Variants in UBR4 observed in about 807,000 individuals in gnomAD.
The protein encoded by UBR4 is E3 ubiquitin-protein ligase UBR4.
A neutral mutation model predicts 575.6 loss-of-function variants in UBR4; 124 were observed. The ratio of observed to expected loss-of-function variants is 0.22; its 90% CI spans 0.19 to 0.25. UBR4 has a LOEUF of 0.25. UBR4 is among the 10% of genes least tolerant of loss of function. The pLI, the probability that UBR4 is intolerant of heterozygous loss-of-function variation, is 1.00. For missense variants in UBR4, 4,818 were observed against 6,478.8 expected, an observed-to-expected ratio of 0.74 and a Z score of 8.80; for synonymous variants, 2,455 against 2,473.7, an observed-to-expected ratio of 0.99 and a Z score of 0.22.
intron 77 of UBR4, 73 bp downstream of exon 77, chr1:19,113,626 G>GCA: frequency 6.3e-7 from 1 of 1,585,984 alleles, no homozygotes; most frequent in South Asian, 1.2e-5. Flanking sequence ...TGAGAGAGCA[G>GCA]CAGGACTGCT....
chr1:19,147,721 C>A (rs938070654), intron 51 of UBR4, among the ~76,000 whole-genome samples: 2 of 149,736 alleles, frequency 1.3e-5, no homozygotes, highest in Non-Finnish European at 3.0e-5. Flanking sequence ...AGGCTACCCA[C>A]GCTCAATATC....
intron 105 of UBR4, 88 bp downstream of exon 105, chr1:19,076,652 C>A: frequency 1.3e-6 from 2 of 1,570,796 alleles, no homozygotes; most frequent in South Asian, 2.3e-5. Context: ...TTCCTCTGGT[C>A]GTGAAGATAA....
At chr1:19,108,425 C>A (rs180879384) in intron 81 of UBR4, among the ~76,000 whole-genome samples, 54 of 152,092 alleles carry the variant, frequency 3.6e-4, no homozygotes, top group Non-Finnish European at 6.3e-4. Context: ...GGAAAGGCAG[C>A]TGGTTTGGCT....
chr1:19,096,780 G>T, intron 91 of UBR4, 130 bp from the exon 92 acceptor site: 1 of 1,358,638 alleles, frequency 7.4e-7, no homozygotes, highest in Non-Finnish European at 1.0e-6. Context: ...ATAAAGACAC[G>T]GCCAATAAAA....
chr1:19,075,138 G>A lies in UBR4; in HGVS notation c.15488-242C>T, dbSNP rs2148321055. ...TGTTTTTGTTCTCACATTTGAATAGGGTGTGTCTGATGTTCTGAAATTTTC... is the reference window on the plus strand; with the variant it reads ...TGTTTTTGTTCTCACATTTGAATAGAGTGTGTCTGATGTTCTGAAATTTTC... On this transcript the variant is annotated intron_variant, in intron 105 of 105. Transcript: ENST00000375254. 4 of 548,832 alleles carry A rather than the reference G, an allele frequency of 7.3e-6. No homozygotes were observed. In the East Asian group the frequency reaches 1.3e-4, roughly 18 times the overall value. 34.0% of individuals were successfully genotyped at this position (548,832 alleles called of 1,614,324 possible).
chr1:19,202,459 C>T (rs2151731438), intron 1 of UBR4, among the ~76,000 whole-genome samples: 1 of 152,248 alleles, frequency 6.6e-6, no homozygotes, highest in South Asian at 2.1e-4. Context: ...GGAATACAGA[C>T]TAAAGTAACC....
chr1:19,164,814 A>T lies in UBR4; in HGVS notation c.4496T>A (p.Ile1499Asn), dbSNP rs1489072766. ...GTTGTTCTACCTGTTTTCCCGAACAATGTATGTGGTCAGTAACTGCAGCAG... is the reference window on the plus strand; with the variant it reads ...GTTGTTCTACCTGTTTTCCCGAACATTGTATGTGGTCAGTAACTGCAGCAG... ...RQLLQLLTTY[I>N]VRENSQVGEG... Residue 1499 changes from isoleucine (I) to asparagine (N), a missense_variant, in exon 32 of 106, where the codon ATT (isoleucine) becomes AAT (asparagine). Ile to Asn is a moderately radical substitution (Grantham distance 149, BLOSUM62 -3). Transcript: ENST00000375254. 1.2e-6 allele frequency: 2 copies of T among 1,614,174 alleles called. No individual in the cohort carries two copies. Among genetic ancestry groups the T allele is most frequent in the East Asian group, 2.2e-5 (1 of 44,886 alleles).
chr1:19,146,042 T>C, intron 52 of UBR4, 109 bp from the exon 53 acceptor site: 1 of 1,586,024 alleles, frequency 6.3e-7, no homozygotes, highest in South Asian at 1.1e-5. Context: ...GAGTTTCAAG[T>C]GGGGCCCCAA....
chr1:19,166,832 G>A (rs974293047), intron 29 of UBR4, among the ~76,000 whole-genome samples, 190 bp downstream of exon 29: 6 of 150,496 alleles, frequency 4.0e-5, no homozygotes, highest in Non-Finnish European at 2.9e-5. Context: ...CTTGAGCCCC[G>A]GAGGCAGAGG....
In UBR4 at chr1:19,088,929, C is replaced by T; in HGVS notation, c.14260G>A (p.Val4754Met). The T allele has an allele frequency of 6.2e-7, 1 of 1,614,246 alleles. No homozygotes were observed. The highest frequency in any genetic ancestry group is 8.5e-7 in the Non-Finnish European group (1 of 1,180,054). Residue 4754 changes from valine to methionine, a missense_variant, in exon 98 of 106, where the codon GTG (valine) becomes ATG (methionine). Transcript: ENST00000375254. The surrounding 1 kb of genome is among the most constrained non-coding windows in gnomAD (Gnocchi z 4.0). ...GTCCCAATGCCCTCATCACTGGACA[C>T]CTGCTCCAGCTTATGCAGGTTCGGG... is the stretch of plus-strand genomic sequence containing the variant. ...SIPNLHKLEQ[V>M]SSDEGIGTLA...
chr1:19,164,554 G>T, intron 32 of UBR4, 113 bp from the exon 33 acceptor site: 1 of 1,249,024 alleles, frequency 8.0e-7, no homozygotes, highest in Non-Finnish European at 1.1e-6. Flanking sequence ...ACCAATCCCA[G>T]CTTTGGACTT....
intron 8 of UBR4, among the ~76,000 whole-genome samples, chr1:19,196,026 G>A (rs1017340275): frequency 2.2e-4 from 28 of 129,172 alleles, no homozygotes; most frequent in African/African-American, 8.3e-4. Context: ...ACAAACTTAC[G>A]TAGTATGTTC....
chr1:19,116,782 G>A (rs981586470), intron 73 of UBR4, among the ~76,000 whole-genome samples: 5 of 152,212 alleles, frequency 3.3e-5, no homozygotes, highest in African/African-American at 1.2e-4. Flanking sequence ...TGTGGAAATC[G>A]AAGAGTGTGT....
rs893440363 is a variant in UBR4, at chr1:19,174,323, G to A, written c.2978C>T (p.Ala993Val). The A allele has an allele frequency of 6.2e-7, 1 of 1,612,482 alleles. No individual in the cohort carries two copies. Among genetic ancestry groups the A allele is most frequent in the East Asian group, 2.2e-5 (1 of 44,840 alleles). The change falls in exon 22 of 106, where the codon GCC becomes GTC. Residue 993 changes from alanine to valine, a missense_variant. Ala to Val is a moderately conservative substitution (Grantham distance 64, BLOSUM62 0). This residue lies in a region of UBR4 where 1,172 missense variants were observed against 1,259.7 expected (regional missense o/e 0.93). Coordinates refer to ENST00000375254, the MANE Select transcript of UBR4 (RefSeq NM_020765.3). ...VRRKENKNVTALEACALQYYF... is the reference protein window; with the variant it reads ...VRRKENKNVTVLEACALQYYF... ...CTCAGGGTTCCATGGTCTTACCAAG[G>A]CTGTTACATTCTTGTTTTCCTTTCT...
chr1:19,161,108 T>C lies in UBR4; in HGVS notation c.5215A>G (p.Thr1739Ala), dbSNP rs748964453. The C allele has an allele frequency of 9.3e-6, 15 of 1,613,988 alleles. No individual in the cohort carries two copies. The highest frequency in any genetic ancestry group is 1.7e-5 in the Admixed American group (1 of 59,998). ...CTCTGAAATGCCGACTCCTTCATGG[T>C]AGAGCTCATGCCACTGCTAGGAGTT... ...KRTPSSGMSS[T>A]MKESAFQSEP... Residue 1739 changes from threonine (T) to alanine (A), a missense_variant, in exon 38 of 106, where the codon ACC (threonine) becomes GCC (alanine). Transcript: ENST00000375254.
At chr1:19,101,686 T>G (rs199860435) in intron 87 of UBR4, 45 bp from the exon 88 acceptor site, 20 of 1,569,970 alleles carry the variant, frequency 1.3e-5, no homozygotes, top group Non-Finnish European at 1.7e-5. Context: ...GCCTCTCCCA[T>G]GGAAGGTGAA....
rs754627475 is a variant in UBR4 at position 19,157,896 on chromosome 1, C to A, written c.5679G>T (p.Val1893=). The change falls in exon 40 of 106, where the codon GTG becomes GTT. Residue 1893 remains valine, a synonymous_variant. Transcript: ENST00000375254. This position sits in a 1 kb window ranked among gnomAD's most constrained non-coding sequence, Gnocchi z 4.4. The part of the protein sequence containing the change: ...QTIRQLISAH[V]LRRVAMCVLS... The stretch of plus-strand genomic sequence containing the variant: ...GCACACACATAGCCACCCGCCTGAG[C>A]ACATGAGCACTGATCAGCTGCCGGA... 3 of 1,614,128 alleles carry A rather than the reference C, an allele frequency of 1.9e-6. No homozygotes were observed. The Admixed American group carries it at 5.0e-5, about 27-fold the overall frequency.
chr1:19,143,259 G>GAAGGAAGGAAGAAAGAAAGA (rs1444831970), intron 55 of UBR4, among the ~76,000 whole-genome samples: 3 of 91,630 alleles, frequency 3.3e-5, no homozygotes, highest in East Asian at 4.4e-4. Context: ...AGGAAGGAAG[G>GAAGGAAGGAAGAAAGAAAGA]AAGAAAGAAA....
Position 19,100,144 on chromosome 1 carries a change from A to T in UBR4, c.13221+232T>A, listed in dbSNP as rs2078481886. ...ACCACCACTACAACCAACAGCCATT[A>T]ACAATATGCTTACTTCCTGCCAGGC... On this transcript the variant is annotated intron_variant, in intron 89 of 105. Transcript: ENST00000375254. The surrounding 1 kb of genome is among the most constrained non-coding windows in gnomAD (Gnocchi z 4.2). 3.6e-6 allele frequency: 2 copies of T among 561,204 alleles called. No homozygotes were observed. The highest frequency in any genetic ancestry group is 6.4e-5 in the Admixed American group (2 of 31,246). 34.8% of individuals were successfully genotyped at this position (561,204 alleles called of 1,614,324 possible). A position where few individuals can be genotyped will look rare whatever the true frequency, so the allele number is the denominator to read the frequency against.
Sources: allele counts gnomAD v4.1 joint callset (sites outside exome capture counted in the v4.1 genomes callset), GRCh38; gene constraint gnomAD v4.1.1; regional missense constraint gnomAD v4.1.1; non-coding constraint Gnocchi (gnomAD v3.1); transcripts MANE v1.5; gene names NCBI Gene and HGNC (gene_info 2026-07-23, HGNC 2026-07-21).